Variants in CHST8 observed in about 807,000 individuals in gnomAD.
CHST8 encodes the protein carbohydrate sulfotransferase 8, also known as GALNAC-4-ST1.
In CHST8, 10 loss-of-function variants were observed where a neutral mutation model predicts 15.0. The ratio of observed to expected loss-of-function variants is 0.67; its 90% CI spans 0.41 to 1.13. The LOEUF is 1.13. Ranked by LOEUF, CHST8 falls within the 50% of genes most tolerant of loss-of-function variation. The probability of loss-of-function intolerance (pLI) is 0.00; values close to 1 mark genes in which losing one functional copy is unlikely to be tolerated. For missense variants in CHST8, 634 were observed against 608.2 expected (o/e 1.04, Z -0.45); for synonymous variants, 259 against 256.6 (o/e 1.01, Z -0.09).
chr19:33,630,411 C>G (rs1972107116), intron 1 of CHST8, among the ~76,000 whole-genome samples: 1 of 152,242 alleles, frequency 6.6e-6, no homozygotes, highest in Admixed American at 6.5e-5. Context: ...GGCAGTCTGT[C>G]TACACTGGCT....
At chr19:33,683,386 C>T (rs989094897) in intron 2 of CHST8, among the ~76,000 whole-genome samples, 1 of 152,234 alleles carries the variant, frequency 6.6e-6, no homozygotes, top group Non-Finnish European at 1.5e-5. Flanking sequence ...GATCTGAAAT[C>T]TGTCATACTG....
At chr19:33,705,804 C>T (rs1973435202) in intron 3 of CHST8, among the ~76,000 whole-genome samples, 1 of 152,152 alleles carries the variant, frequency 6.6e-6, no homozygotes, top group Non-Finnish European at 1.5e-5. Context: ...GCAGATTCGC[C>T]TTCCCTGCTG....
At chr19:33,646,474 T>C (rs1168697159) in intron 1 of CHST8, among the ~76,000 whole-genome samples, 1 of 152,214 alleles carries the variant, frequency 6.6e-6, no homozygotes, top group Non-Finnish European at 1.5e-5. Context: ...GGTTTTACAA[T>C]AGTGATGTTA....
At chr19:33,686,391 C>G (rs1972981244) in intron 2 of CHST8, among the ~76,000 whole-genome samples, 1 of 152,152 alleles carries the variant, frequency 6.6e-6, no homozygotes, top group Non-Finnish European at 1.5e-5. Context: ...GAGGACAGGT[C>G]TTCGCTGCAG....
intron 1 of CHST8, among the ~76,000 whole-genome samples, chr19:33,657,684 G>A (rs920501891): frequency 6.7e-6 from 1 of 150,254 alleles, no homozygotes; most frequent in African/African-American, 2.5e-5. Flanking sequence ...TCCTCTCACA[G>A]CAGCCTCTCA....
chr19:33,652,574 C>T (rs1181265527), intron 1 of CHST8, among the ~76,000 whole-genome samples: 2 of 152,006 alleles, frequency 1.3e-5, no homozygotes, highest in East Asian at 3.8e-4. Context: ...TGAGTTTTCA[C>T]CATGTTGGCC....
rs1414491450 is a variant in CHST8, at chr19:33,626,336, C to T, written c.-164+4040C>T. Among the ~76,000 whole-genome samples, 8 of 152,212 alleles carry T rather than the reference C, an allele frequency of 5.3e-5. 1 individual carries two copies. The South Asian group carries it at 1.0e-3, about 20-fold the overall frequency. ...AACTCAGCAATGCAGCCTGGGCCAC[C>T]GAGAGACTGGGGAAGCCTCCGTGCA... On this transcript the variant is annotated intron_variant, in intron 1 of 4. Transcript: ENST00000650847.
chr19:33,673,390 G>A (rs748155038), intron 2 of CHST8, among the ~76,000 whole-genome samples: 1 of 152,232 alleles, frequency 6.6e-6, no homozygotes, highest in Non-Finnish European at 1.5e-5. Context: ...TGAACCAGAC[G>A]TTGGCGGGGA....
chr19:33,757,522 GAGAAAGAAAGAA>G (rs1218360558), intron 3 of CHST8, among the ~76,000 whole-genome samples: 308 of 21,112 alleles, frequency 0.015, 30 homozygotes, highest in African/African-American at 0.022. Context: ...AAGAAAGAAA[GAGAAAGAAAGAA>G]AGAAAGAAAG....
chr19:33,728,562 C>A (rs1286505909), intron 3 of CHST8, among the ~76,000 whole-genome samples: 2 of 152,242 alleles, frequency 1.3e-5, no homozygotes, highest in Admixed American at 1.3e-4. Context: ...CTCACACAGT[C>A]CCAAGAGAGA....
At chr19:33,634,835 C>G (rs920926406) in intron 1 of CHST8, among the ~76,000 whole-genome samples, 3 of 152,090 alleles carry the variant, frequency 2.0e-5, no homozygotes, top group African/African-American at 7.2e-5. Context: ...GCTGACTTGG[C>G]GGGGACTCGT....
chr19:33,664,144 C>T (rs753380798), intron 1 of CHST8, among the ~76,000 whole-genome samples: 1 of 152,132 alleles, frequency 6.6e-6, no homozygotes, highest in Non-Finnish European at 1.5e-5. Context: ...GGAATCTTCA[C>T]TTCCACTGTA....
intron 3 of CHST8, among the ~76,000 whole-genome samples, chr19:33,703,535 G>C (rs284338): frequency 0.29 from 43,878 of 152,242 alleles, 8,136 homozygotes; most frequent in African/African-American, 0.53. Flanking sequence ...TGCGTGGGTC[G>C]GTAGGGGCGG....
At chr19:33,643,565 T>C (rs1972311578) in intron 1 of CHST8, among the ~76,000 whole-genome samples, 1 of 152,218 alleles carries the variant, frequency 6.6e-6, no homozygotes, top group African/African-American at 2.4e-5. Context: ...CCAGCATCAT[T>C]TATGGAACAT....
intron 2 of CHST8, among the ~76,000 whole-genome samples, chr19:33,677,320 CCT>C (rs1440703928): frequency 6.6e-6 from 1 of 152,206 alleles, no homozygotes; most frequent in African/African-American, 2.4e-5. Context: ...ATGGTTTACA[CCT>C]CTTCTGCCTG....
chr19:33,701,400 A>C (rs1973334284), intron 3 of CHST8, among the ~76,000 whole-genome samples: 2 of 152,212 alleles, frequency 1.3e-5, no homozygotes, highest in Admixed American at 6.5e-5. Context: ...AGGAAGTAAT[A>C]ACAGGAATCA....
chr19:33,751,398 C>T (rs1488813506), intron 3 of CHST8, among the ~76,000 whole-genome samples: 1 of 152,232 alleles, frequency 6.6e-6, no homozygotes, highest in African/African-American at 2.4e-5. Flanking sequence ...GTTAATTGTG[C>T]TCAGATATGC....
At chr19:33,731,333 A>G (rs987817265) in intron 3 of CHST8, among the ~76,000 whole-genome samples, 24 of 152,344 alleles carry the variant, frequency 1.6e-4, no homozygotes, top group African/African-American at 5.8e-4. Flanking sequence ...AGGGGTGGGC[A>G]ATTCCCAGAA....
intron 3 of CHST8, among the ~76,000 whole-genome samples, chr19:33,762,924 C>G (rs1237989959): frequency 6.6e-6 from 1 of 150,824 alleles, no homozygotes; most frequent in Non-Finnish European, 1.5e-5. Flanking sequence ...TGCAGTGGCA[C>G]GATCTCAGCT....
Sources: allele counts gnomAD v4.1 joint callset (sites outside exome capture counted in the v4.1 genomes callset), GRCh38; gene constraint gnomAD v4.1.1; transcripts MANE v1.5; gene names NCBI Gene and HGNC (gene_info 2026-07-23, HGNC 2026-07-21).